SDHA: variants seen among roughly 807,000 people sequenced by gnomAD.
SDHA encodes succinate dehydrogenase [ubiquinone] flavoprotein subunit, mitochondrial.
Under a neutral mutation model 78.4 loss-of-function variants are expected in SDHA, and 48 were observed. The observed-to-expected ratio is 0.61, with a 90% CI of 0.49 to 0.78. The LOEUF (loss-of-function observed/expected upper bound fraction) is 0.78. SDHA is among the 30% of genes least tolerant of loss of function. The probability of loss-of-function intolerance (pLI) is 0.00; values close to 1 mark genes in which losing one functional copy is unlikely to be tolerated. For missense variants in SDHA, 680 were observed against 892.7 expected, an observed-to-expected ratio of 0.76 and a Z score of 3.04; for synonymous variants, 326 against 353.9, an observed-to-expected ratio of 0.92 and a Z score of 0.88.
In SDHA at chr5:236,331, C is replaced by A. The variant is rs575238429; in HGVS notation, c.1261-97C>A. On this transcript the variant is annotated intron_variant, in intron 9 of 14. Coordinates refer to ENST00000264932, the MANE Select transcript of SDHA (RefSeq NM_004168.4). The stretch of plus-strand genomic sequence containing the variant: ...GAGCCACCACGCCTGGCCTACTTCC[C>A]TCTCTCTGACCTGCAGCACAGACAC... The A allele has an allele frequency of 5.5e-4, 721 of 1,311,582 alleles. 3 individuals are homozygous for A. In the African/African-American group the frequency reaches 9.7e-3, roughly 18 times the overall value. 81.2% of individuals were successfully genotyped at this position (1,311,582 alleles called of 1,614,324 possible). A position where few individuals can be genotyped will look rare whatever the true frequency, so the allele number is the denominator to read the frequency against.
intron 2 of SDHA, 78 bp from the exon 3 acceptor site, chr5:224,282 A>T: frequency 2.7e-6 from 4 of 1,467,992 alleles, no homozygotes; most frequent in Non-Finnish European, 3.8e-6. Context: ...ATCTTTGTCA[A>T]GCTCTTTCAC....
chr5:266,443 G>GA, the SDHA span, among the ~76,000 whole-genome samples: 1 of 152,094 alleles, frequency 6.6e-6, no homozygotes, highest in East Asian at 1.9e-4. Flanking sequence ...CCATTTTCAT[G>GA]AGTACTGAGA....
intron 6 of SDHA, among the ~76,000 whole-genome samples, chr5:230,532 G>A (rs763687003): frequency 2.6e-5 from 4 of 152,064 alleles, no homozygotes; most frequent in Non-Finnish European, 5.9e-5. Context: ...AGGCTGAGGC[G>A]GAAGAATCAC....
Position 223,513 on chromosome 5 carries a change from G to C in SDHA, c.95G>C (p.Gly32Ala). Residue 32 changes from glycine to alanine, a missense_variant, in exon 2 of 15, where the codon GGT becomes GCT. By Grantham distance (60) the Gly-to-Ala change is moderately conservative (BLOSUM62 0). Transcript: ENST00000264932. Reference protein sequence around the residue: ...WPTVLQTGTRGFHFTVDGNKR... With the variant: ...WPTVLQTGTRAFHFTVDGNKR... ...ACAGTGTTGCAAACAGGAACCCGAG[G>C]TTTTCACTTCACTGTTGATGGGAAC... is the stretch of plus-strand genomic sequence containing the variant. 1 of 1,613,866 alleles carries C rather than the reference G, an allele frequency of 6.2e-7. No homozygotes were observed. Among genetic ancestry groups the C allele is most frequent in the Non-Finnish European group, 8.5e-7 (1 of 1,179,752 alleles).
chr5:254,903 C>T (rs888027960), intron 14 of SDHA, among the ~76,000 whole-genome samples: 12 of 151,976 alleles, frequency 7.9e-5, no homozygotes, highest in Non-Finnish European at 8.8e-5. Context: ...GAAGAGACAC[C>T]TCCCCTCTCC....
chr5:255,270 T>A (rs1251586219), intron 14 of SDHA, among the ~76,000 whole-genome samples: 1 of 151,900 alleles, frequency 6.6e-6, no homozygotes, highest in Non-Finnish European at 1.5e-5. Context: ...AAGAGTCGTA[T>A]AATCACTTAG....
rs939024363 is a variant in SDHA, at chr5:225,707, T to C, written c.456+145T>C. The C allele has an allele frequency of 6.4e-5, 87 of 1,354,604 alleles. No individual in the cohort carries two copies. The Admixed American group carries it at 1.4e-3, about 22-fold the overall frequency. 83.9% of individuals were successfully genotyped at this position (1,354,604 alleles called of 1,614,324 possible). A position where few individuals can be genotyped will look rare whatever the true frequency, so the allele number is the denominator to read the frequency against. On this transcript the variant is annotated intron_variant, in intron 4 of 14. Transcript: ENST00000264932. Reference sequence around the variant, plus strand: ...TCACAAGAAGAGTCTTTTTCCGTTATGAACTATGCATTATATGTAACAAGA... The same window carrying C: ...TCACAAGAAGAGTCTTTTTCCGTTACGAACTATGCATTATATGTAACAAGA...
Position 242,286 on chromosome 5 carries a change from C to T in SDHA, c.1551+1810C>T, listed in dbSNP as rs1345848046. On this transcript the variant is annotated intron_variant, in intron 11 of 14. Coordinates refer to ENST00000264932, the MANE Select transcript of SDHA (RefSeq NM_004168.4). ...ATGCTCTTGATGGCCATGACGCCCA[C>T]GCTAGAAGGCTGTTGGTTTACCAGA... Among the ~76,000 whole-genome samples, 10 of 152,198 alleles carry T rather than the reference C, an allele frequency of 6.6e-5. No homozygotes were observed. The South Asian group carries it at 1.0e-3, about 16-fold the overall frequency.
At chr5:262,284 CCGACAGAGCATTACCG>C in the SDHA span, among the ~76,000 whole-genome samples, 1 of 136,156 alleles carries the variant, frequency 7.3e-6, no homozygotes, top group Admixed American at 7.2e-5. Flanking sequence ...GCTCCGCCTC[CCGACAGAGCATTACCG>C]TGTGAGCTCC....
At chr5:248,915 A>G (rs1307208305) in intron 11 of SDHA, 4 of 406,766 alleles carry the variant, frequency 9.8e-6, no homozygotes, top group Non-Finnish European at 1.9e-5. Flanking sequence ...CCTCAACCTC[A>G]AATGGTATGG....
intron 14 of SDHA, among the ~76,000 whole-genome samples, chr5:255,819 A>G (rs923914302): frequency 1.9e-4 from 29 of 152,206 alleles, no homozygotes; most frequent in Non-Finnish European, 3.5e-4. Context: ...ACGACCCATT[A>G]TGGTTTAAAT....
At chr5:221,983 C>G (rs1019909212) in intron 1 of SDHA, among the ~76,000 whole-genome samples, 26 of 152,252 alleles carry the variant, frequency 1.7e-4, no homozygotes, top group African/African-American at 6.0e-4. Context: ...TTTCTACTTA[C>G]ATTTGGTATA....
chr5:244,675 A>T (rs12332457), intron 11 of SDHA, among the ~76,000 whole-genome samples: 35,885 of 151,794 alleles, frequency 0.24, 6,242 homozygotes, highest in African/African-American at 0.51. Flanking sequence ...TGGCCAATTC[A>T]ACCTGCTCAA....
At chr5:236,011 C>T (rs540574874) in intron 9 of SDHA, 16 of 290,428 alleles carry the variant, frequency 5.5e-5, no homozygotes, top group African/African-American at 1.3e-4. Flanking sequence ...CTCTTAGATA[C>T]GGTCTTTACT....
intron 14 of SDHA, among the ~76,000 whole-genome samples, chr5:255,060 C>T (rs957967838): frequency 3.3e-5 from 5 of 151,618 alleles, no homozygotes; most frequent in African/African-American, 9.7e-5. Context: ...AACAGCCAGC[C>T]GAGGGTGTGG....
rs10057677 is a variant in SDHA at position 236,638 on chromosome 5, C to T, written c.1432+39C>T. The T allele has an allele frequency of 0.14, 222,569 of 1,580,872 alleles. 21,847 individuals carry two copies. The highest frequency in any genetic ancestry group is 0.52 in the African/African-American group (38,157 of 72,762). On this transcript the variant is annotated intron_variant, in intron 10 of 14. Coordinates refer to ENST00000264932, the MANE Select transcript of SDHA (RefSeq NM_004168.4). ...TCAGGAGCCAGACTATTTGAGAAGG[C>T]GCAGGACGTTAGAAAGTCTTTTTTC...
At chr5:219,280 A>C (rs1256598500) in intron 1 of SDHA, among the ~76,000 whole-genome samples, 1 of 136,422 alleles carries the variant, frequency 7.3e-6, no homozygotes, top group Non-Finnish European at 1.5e-5. Flanking sequence ...TTGCTCTCTG[A>C]GTGTCTGAAT....
At chr5:265,709 A>C in the SDHA span, among the ~76,000 whole-genome samples, 1 of 151,976 alleles carries the variant, frequency 6.6e-6, no homozygotes, top group Non-Finnish European at 1.5e-5. Flanking sequence ...AATCCCAGTT[A>C]CTCAGGAGGC....
intron 14 of SDHA, among the ~76,000 whole-genome samples, chr5:255,980 A>G (rs545670660): frequency 1.3e-5 from 2 of 152,256 alleles, no homozygotes; most frequent in Non-Finnish European, 1.5e-5. Flanking sequence ...CTGTCTGAGC[A>G]TCCCTAATCG....
Sources: allele counts gnomAD v4.1 joint callset (sites outside exome capture counted in the v4.1 genomes callset), GRCh38; gene constraint gnomAD v4.1.1; transcripts MANE v1.5; gene names NCBI Gene and HGNC (gene_info 2026-07-23, HGNC 2026-07-21).